Variants in UNC5D observed in about 807,000 individuals in gnomAD.
UNC5D encodes the protein unc-5 netrin receptor D.
A neutral mutation model predicts 105.4 loss-of-function variants in UNC5D; 39 were observed. The observed-to-expected ratio is 0.37, with a 90% confidence interval of 0.29 to 0.48. The LOEUF is 0.48. Ranked by LOEUF, UNC5D falls within the 20% of genes least tolerant of loss-of-function variation. UNC5D has a pLI of 0.98. For synonymous variants in UNC5D, 452 were observed against 450.4 expected (o/e 1.00, Z -0.04); for missense variants, 991 against 1,202.4 (o/e 0.82, Z 2.60).
At chr8:35,670,481 G>A (rs561155265) in intron 4 of UNC5D, among the ~76,000 whole-genome samples, 27 of 152,232 alleles carry the variant, frequency 1.8e-4, no homozygotes, top group African/African-American at 6.3e-4. Flanking sequence ...GTGATAGACT[G>A]CATAAAGAAA....
chr8:35,370,057 G>A (rs964289583), intron 1 of UNC5D, among the ~76,000 whole-genome samples: 2 of 152,136 alleles, frequency 1.3e-5, no homozygotes, highest in Non-Finnish European at 1.5e-5. Context: ...CCAAGTTGGT[G>A]ATAGACTTTT....
chr8:35,289,221 CA>C (rs1355720635), intron 1 of UNC5D, among the ~76,000 whole-genome samples: 3 of 152,066 alleles, frequency 2.0e-5, no homozygotes, highest in Non-Finnish European at 4.4e-5. Flanking sequence ...TTACATTAGA[CA>C]AAATATAGTT....
At chr8:35,518,846 C>G (rs1813280172) in intron 1 of UNC5D, among the ~76,000 whole-genome samples, 1 of 149,646 alleles carries the variant, frequency 6.7e-6, no homozygotes, top group Non-Finnish European at 1.5e-5. Flanking sequence ...CTAAATTTAA[C>G]TCATCTTAGA....
chr8:35,607,095 G>T (rs1005021075), intron 4 of UNC5D, among the ~76,000 whole-genome samples: 5 of 152,160 alleles, frequency 3.3e-5, no homozygotes, highest in African/African-American at 1.2e-4. Flanking sequence ...TTCTGAGGGT[G>T]CTTTTCAGCT....
intron 1 of UNC5D, among the ~76,000 whole-genome samples, chr8:35,399,983 A>G (rs1804350885): frequency 6.6e-6 from 1 of 152,054 alleles, no homozygotes; most frequent in Admixed American, 6.6e-5. Flanking sequence ...TATGAGGAGA[A>G]ACTACCACTT....
intron 4 of UNC5D, among the ~76,000 whole-genome samples, chr8:35,672,643 C>T (rs1354933977): frequency 2.6e-5 from 4 of 152,158 alleles, no homozygotes; most frequent in African/African-American, 9.7e-5. Flanking sequence ...TACAAGCTGT[C>T]TTTTGATTAC....
chr8:35,633,866 C>T (rs930908249), intron 4 of UNC5D, among the ~76,000 whole-genome samples: 2 of 152,068 alleles, frequency 1.3e-5, no homozygotes, highest in African/African-American at 2.4e-5. Flanking sequence ...AGAGCCTGAG[C>T]CAGGAATAAG....
chr8:35,514,622 A>G (rs1418837197), intron 1 of UNC5D, among the ~76,000 whole-genome samples: 1 of 152,194 alleles, frequency 6.6e-6, no homozygotes, highest in Non-Finnish European at 1.5e-5. Flanking sequence ...ACATTGCTTT[A>G]TGTTGTTTGA....
intron 1 of UNC5D, among the ~76,000 whole-genome samples, chr8:35,287,107 C>G (rs1806655797): frequency 2.0e-5 from 3 of 152,172 alleles, no homozygotes; most frequent in Admixed American, 6.5e-5. Flanking sequence ...TCCAGAATCT[C>G]AGGCTAGACT....
chr8:35,763,009 T>C (rs1232089301), intron 14 of UNC5D, among the ~76,000 whole-genome samples: 1 of 152,206 alleles, frequency 6.6e-6, no homozygotes, highest in Non-Finnish European at 1.5e-5. Flanking sequence ...CCTCCCATAT[T>C]ACTTTCCACA....
Position 35,595,936 on chromosome 8 carries a change from G to A in UNC5D, c.570+279G>A, listed in dbSNP as rs1338278047. On this transcript the variant is annotated intron_variant, in intron 4 of 16. Coordinates refer to ENST00000404895, the MANE Select transcript of UNC5D (RefSeq NM_080872.4). ...GTTCTGGGGACCTTGAATCATGCAG[G>A]TGTCATTCTTTCTGTCCTCAGTCAA... Among the ~76,000 whole-genome samples, 3 of 152,154 alleles carry A rather than the reference G, an allele frequency of 2.0e-5. No individual in the cohort carries two copies. In the South Asian group the frequency reaches 6.2e-4, roughly 32 times the overall value.
chr8:35,323,027 A>G (rs1454811784), intron 1 of UNC5D, among the ~76,000 whole-genome samples: 4 of 152,146 alleles, frequency 2.6e-5, no homozygotes, highest in Non-Finnish European at 5.9e-5. Context: ...TAGCAGTAGG[A>G]CTAATATGAC....
At chr8:35,575,952 A>G (rs1818059336) in intron 3 of UNC5D, among the ~76,000 whole-genome samples, 1 of 152,000 alleles carries the variant, frequency 6.6e-6, no homozygotes, top group East Asian at 1.9e-4. Flanking sequence ...CAAGATGCAC[A>G]CTCTAGAATG....
At chr8:35,727,452 C>T (rs756214715) in intron 10 of UNC5D, 6 of 152,098 alleles carry the variant, frequency 3.9e-5, no homozygotes, top group Admixed American at 1.3e-4. Context: ...CCTCTCAAAT[C>T]GAGCATTTCA....
chr8:35,709,331 G>C (rs1002410328), intron 8 of UNC5D, among the ~76,000 whole-genome samples: 2 of 152,132 alleles, frequency 1.3e-5, no homozygotes, highest in African/African-American at 4.8e-5. Flanking sequence ...AGAGCAGGGT[G>C]GGGGGCTCTG....
chr8:35,473,508 T>C (rs1809882041), intron 1 of UNC5D, among the ~76,000 whole-genome samples: 1 of 152,186 alleles, frequency 6.6e-6, no homozygotes. Flanking sequence ...TATTAAAAGA[T>C]ACATTCTTAA....
At chr8:35,545,583 A>G (rs948318011) in intron 1 of UNC5D, among the ~76,000 whole-genome samples, 11 of 151,812 alleles carry the variant, frequency 7.2e-5, no homozygotes, top group African/African-American at 2.4e-4. Flanking sequence ...TGGAACTTGG[A>G]GTGTGGGAAG....
chr8:35,421,307 C>G (rs1337578277), intron 1 of UNC5D, among the ~76,000 whole-genome samples: 3 of 152,156 alleles, frequency 2.0e-5, no homozygotes, highest in African/African-American at 7.2e-5. Context: ...CCCTACTTGG[C>G]AGCTGTACCT....
chr8:35,321,431 G>A (rs1276400641), intron 1 of UNC5D, among the ~76,000 whole-genome samples: 4 of 152,088 alleles, frequency 2.6e-5, no homozygotes, highest in Non-Finnish European at 5.9e-5. Flanking sequence ...GAGATCTGAT[G>A]GTTTTATAAA....
Sources: gnomAD v4.1 joint callset for allele counts (sites outside exome capture counted in the v4.1 genomes callset) on GRCh38, gnomAD v4.1.1 for gene constraint, MANE v1.5 for transcripts, NCBI Gene and HGNC (gene_info 2026-07-23, HGNC 2026-07-21) for gene names.